GSTO2: variants seen among roughly 807,000 people sequenced by gnomAD.
GSTO2 encodes the protein glutathione S-transferase omega 2.
A neutral mutation model predicts 28.4 loss-of-function variants in GSTO2; 23 were observed. The ratio of observed to expected loss-of-function variants is 0.81; its 90% confidence interval spans 0.58 to 1.15. GSTO2 has a LOEUF of 1.15. GSTO2 is among the 50% of genes most tolerant of loss of function. GSTO2 has a pLI of 0.00. For synonymous variants in GSTO2, 109 were observed against 111.0 expected (o/e 0.98, Z 0.11); for missense variants, 298 against 297.8 (o/e 1.00, Z 0.00).
At chr10:104,270,108 GGTT>G in intron 1 of GSTO2, among the ~76,000 whole-genome samples, 1 of 152,222 alleles carries the variant, frequency 6.6e-6, no homozygotes, top group South Asian at 2.1e-4. Flanking sequence ...CCGCCTCCCG[GGTT>G]CACGCCATTC....
At chr10:104,281,072 G>T (rs556771383) in intron 5 of GSTO2, among the ~76,000 whole-genome samples, 1 of 152,164 alleles carries the variant, frequency 6.6e-6, no homozygotes, top group Non-Finnish European at 1.5e-5. Context: ...CTGGGCCTTG[G>T]TTTTCCCATG....
chr10:104,294,877 T>C (rs1480459354), intron 5 of GSTO2: 3 of 152,214 alleles, frequency 2.0e-5, no homozygotes, highest in Non-Finnish European at 4.4e-5. Context: ...ATACACTAAA[T>C]AAACATCAGT....
At chr10:104,269,979 CTT>C (rs1450516852) in intron 1 of GSTO2, among the ~76,000 whole-genome samples, 4 of 151,168 alleles carry the variant, frequency 2.6e-5, no homozygotes, top group African/African-American at 7.3e-5. Flanking sequence ...TTTCCAGTCT[CTT>C]TATCCAACAG....
At chr10:104,293,173 A>G (rs2012856073) in intron 5 of GSTO2, among the ~76,000 whole-genome samples, 1 of 152,194 alleles carries the variant, frequency 6.6e-6, no homozygotes, top group African/African-American at 2.4e-5. Flanking sequence ...GAGCATGAAA[A>G]GGTGAGACTA....
At chr10:104,299,030 A>G (rs2013169567) in intron 6 of GSTO2, 98 bp from the exon 7 acceptor site, 2 of 1,098,554 alleles carry the variant, frequency 1.8e-6, no homozygotes, top group South Asian at 1.8e-5. Context: ...TCCCAAATAA[A>G]CTCATTCTTC....
intron 4 of GSTO2, 101 bp downstream of exon 4, chr10:104,278,217 G>A: frequency 1.2e-6 from 1 of 858,692 alleles, no homozygotes; most frequent in Non-Finnish European, 1.9e-6. Flanking sequence ...AAACTGTTTT[G>A]TTTTGATACC....
At chr10:104,297,840 T>C (rs1227985627) in intron 6 of GSTO2, among the ~76,000 whole-genome samples, 156 bp downstream of exon 6, 1 of 152,226 alleles carries the variant, frequency 6.6e-6, no homozygotes, top group Non-Finnish European at 1.5e-5. Flanking sequence ...TAAAAACATA[T>C]GTGCTTTTCC....
Position 104,277,925 on chromosome 10 carries a change from A to C in GSTO2, c.175A>C (p.Lys59Gln). 1.2e-6 allele frequency: 2 copies of C among 1,614,014 alleles called. No individual in the cohort carries two copies. The highest frequency in any genetic ancestry group is 1.7e-6 in the Non-Finnish European group (2 of 1,179,906). Residue 59 changes from lysine to glutamine, a missense_variant, in exon 4 of 7, where the codon AAG becomes CAG. By Grantham distance (53) the Lys-to-Gln change is moderately conservative. Transcript: ENST00000338595. ...HEVVNINLRN[K>Q]PEWYYTKHPF... is the part of the protein sequence containing the mutation. The stretch of plus-strand genomic sequence containing the variant: ...AGTGGTCAACATTAACCTGAGAAAC[A>C]AGCCTGAATGGTACTATACAAAGCA...
chr10:104,274,990 G>T, intron 2 of GSTO2, 41 bp downstream of exon 2: 1 of 1,562,620 alleles, frequency 6.4e-7, no homozygotes, highest in Non-Finnish European at 8.6e-7. Context: ...GGGGCGCCGC[G>T]TGACAGAAAA....
At chr10:104,275,432 G>A (rs1441427741) in intron 3 of GSTO2, 98 bp downstream of exon 3, 2 of 1,061,810 alleles carry the variant, frequency 1.9e-6, no homozygotes. Context: ...CTTTTACAAG[G>A]GGCTCCCTGT....
At chr10:104,298,894 A>G (rs2013163815) in intron 6 of GSTO2, among the ~76,000 whole-genome samples, 2 of 152,238 alleles carry the variant, frequency 1.3e-5, no homozygotes, top group Admixed American at 1.3e-4. Flanking sequence ...TCCCAGAGCC[A>G]TCAGTCCAAA....
rs1167897640 is a variant in GSTO2 at position 104,303,077 on chromosome 10, T to C, written c.*3793T>C. 3 of 152,248 alleles carry C rather than the reference T, an allele frequency of 2.0e-5. No homozygotes were observed. Among genetic ancestry groups the C allele is most frequent in the African/African-American group, 7.2e-5 (3 of 41,462 alleles). The allele number at this position is 152,248 out of a possible 1,614,324, so 9.4% of individuals were successfully genotyped here. A position where few individuals can be genotyped will look rare whatever the true frequency, so the allele number is the denominator to read the frequency against. ...AGATATTAAGTCTAGTATCCATTAG[T>C]TATTTTTCCTGATCCTCTCCCTCCT... is the stretch of plus-strand genomic sequence containing the variant. On this transcript the variant is annotated 3_prime_UTR_variant, in exon 7 of 7. Transcript: ENST00000338595.
intron 5 of GSTO2, among the ~76,000 whole-genome samples, chr10:104,282,893 T>C (rs1024924660): frequency 6.6e-6 from 1 of 152,210 alleles, no homozygotes; most frequent in African/African-American, 2.4e-5. Context: ...CTACTGGACC[T>C]TTGGAATGGT....
intron 6 of GSTO2, among the ~76,000 whole-genome samples, chr10:104,298,334 C>G (rs1199059019): frequency 2.0e-5 from 3 of 152,244 alleles, no homozygotes; most frequent in African/African-American, 7.2e-5. Flanking sequence ...CTGGACATTT[C>G]TGGCACTTGG....
chr10:104,285,139 C>T (rs2012343151), intron 5 of GSTO2, among the ~76,000 whole-genome samples: 1 of 152,110 alleles, frequency 6.6e-6, no homozygotes, highest in Non-Finnish European at 1.5e-5. Context: ...TGATCATGTG[C>T]CTTATGTGTA....
At position 104,274,791 on chromosome 10, in the gene GSTO2, A is replaced by G; in HGVS notation, c.-125A>G. 8.0e-7 allele frequency: 1 copy of G among 1,252,510 alleles called. No individual in the cohort carries two copies. The highest frequency in any genetic ancestry group is 2.6e-5 in the East Asian group (1 of 38,918). The allele number at this position is 1,252,510 out of a possible 1,614,324, so 77.6% of individuals were successfully genotyped here. A position where few individuals can be genotyped will look rare whatever the true frequency, so the allele number is the denominator to read the frequency against. The stretch of plus-strand genomic sequence containing the variant: ...GTGCCCCGCCAGAGCCCAGTAGTTC[A>G]AAAATTAAATTTGGGGCAAGGGGTG... On this transcript the variant is annotated 5_prime_UTR_variant, in exon 2 of 7. Transcript: ENST00000338595.
intron 5 of GSTO2, among the ~76,000 whole-genome samples, chr10:104,283,532 G>A (rs1183578500): frequency 2.6e-5 from 4 of 152,140 alleles, no homozygotes; most frequent in Non-Finnish European, 5.9e-5. Flanking sequence ...AGGCTGAGGC[G>A]GGAGCATCTT....
rs1166911441 is a variant in GSTO2 at position 104,299,505 on chromosome 10, TCTTG to T, written c.*225_*228del. 4.0e-6 allele frequency: 2 copies of T among 496,032 alleles called. No homozygotes were observed. Among genetic ancestry groups the T allele is most frequent in the African/African-American group, 4.0e-5 (2 of 50,420 alleles). The allele number at this position is 496,032 out of a possible 1,614,324, so 30.7% of individuals were successfully genotyped here. The stretch of plus-strand genomic sequence containing the variant: ...TTTCCTTTTTTTTTTTGAGGCAAGA[TCTTG>T]CTTCGTTACTCAGGCTGGAGTGCAG... On this transcript the variant is annotated 3_prime_UTR_variant, in exon 7 of 7. Coordinates refer to ENST00000338595, the MANE Select transcript of GSTO2 (RefSeq NM_183239.2).
chr10:104,277,029 G>T (rs1222626021), intron 3 of GSTO2, among the ~76,000 whole-genome samples: 1 of 152,166 alleles, frequency 6.6e-6, no homozygotes, highest in African/African-American at 2.4e-5. Context: ...ACAGTACCAA[G>T]AGATGGGTGT....
Sources: gnomAD v4.1 joint callset for allele counts (sites outside exome capture counted in the v4.1 genomes callset) on GRCh38, gnomAD v4.1.1 for gene constraint, MANE v1.5 for transcripts, NCBI Gene and HGNC (gene_info 2026-07-23, HGNC 2026-07-21) for gene names.